Variants in ROBO1 observed in about 807,000 individuals in gnomAD.
ROBO1 encodes roundabout homolog 1.
In ROBO1, 149 loss-of-function variants were observed where a neutral mutation model predicts 195.9. That is an observed-to-expected ratio of 0.76 (90% CI 0.67 to 0.87). ROBO1 has a LOEUF of 0.87. Among genes scored for constraint, ROBO1 ranks in the 40% least tolerant of loss-of-function variants. The pLI is 0.00. For synonymous variants in ROBO1, 816 were observed against 733.2 expected, an observed-to-expected ratio of 1.11 and a Z score of -1.82; for missense variants, 1,933 against 2,068.3, an observed-to-expected ratio of 0.93 and a Z score of 1.27.
intron 1 of ROBO1, among the ~76,000 whole-genome samples, chr3:79,760,269 A>AAAAAAAAAAAAC: frequency 6.8e-6 from 1 of 146,060 alleles, no homozygotes; most frequent in Non-Finnish European, 1.5e-5. Flanking sequence ...AAAAAAAAAA[A>AAAAAAAAAAAAC]AAGCACAAGT....
Position 79,614,025 on chromosome 3 carries a change from GATAAA to G in ROBO1, c.-50-24069_-50-24065del, listed in dbSNP as rs1037134431. ...AGATTTAAAATGCATAAAGAAAAAA[GATAAA>G]ATAAAAGAAATAGAGAAAACTACAA... On this transcript the variant is annotated intron_variant, in intron 1 of 30. Transcript: ENST00000464233. Among the ~76,000 whole-genome samples the G allele has an allele frequency of 1.8e-4, 27 of 151,944 alleles. No homozygotes were observed. The East Asian group carries it at 2.3e-3, about 13-fold the overall frequency.
intron 1 of ROBO1, among the ~76,000 whole-genome samples, chr3:79,726,145 C>G (rs913220817): frequency 1.3e-5 from 2 of 152,176 alleles, no homozygotes; most frequent in African/African-American, 4.8e-5. Context: ...AACTATTGCA[C>G]TGTTGTCATT....
chr3:79,077,689 T>C (rs1423416506), intron 3 of ROBO1, among the ~76,000 whole-genome samples: 1 of 151,856 alleles, frequency 6.6e-6, no homozygotes, highest in Non-Finnish European at 1.5e-5. Context: ...GAGAAAAATA[T>C]AATAAGTCAT....
chr3:79,239,742 G>A (rs1041964741), intron 2 of ROBO1, among the ~76,000 whole-genome samples: 7 of 152,076 alleles, frequency 4.6e-5, no homozygotes, highest in African/African-American at 1.7e-4. Flanking sequence ...TTTTACATCT[G>A]TTTGATCTTT....
At chr3:79,577,468 T>A (rs1421368541) in intron 2 of ROBO1, among the ~76,000 whole-genome samples, 1 of 152,022 alleles carries the variant, frequency 6.6e-6, no homozygotes, top group Non-Finnish European at 1.5e-5. Flanking sequence ...TTCATTGAAA[T>A]GAAAAAACTT....
intron 4 of ROBO1, among the ~76,000 whole-genome samples, chr3:78,829,848 A>T (rs1261025434): frequency 6.6e-6 from 1 of 152,162 alleles, no homozygotes; most frequent in Non-Finnish European, 1.5e-5. Context: ...ATATTTCATG[A>T]TGGAAATCTA....
rs1439553010 is a variant in ROBO1, at chr3:79,062,197, A to C, written c.172+63259T>G. On this transcript the variant is annotated intron_variant, in intron 3 of 30. Coordinates refer to ENST00000464233, the MANE Select transcript of ROBO1 (RefSeq NM_002941.4). ...CAAAAAGTGGGCAAATGATATGAAC[A>C]CACACTTCTTAAAAGAAGACATTTA... 7.2e-5 allele frequency among the ~76,000 whole-genome samples: 11 copies of C among 152,198 alleles called. No individual in the cohort carries two copies. In the South Asian group the frequency reaches 2.3e-3, roughly 31 times the overall value.
At chr3:78,938,975 T>C (rs1560022506) in intron 3 of ROBO1, 48 bp from the exon 4 acceptor site, 2 of 1,473,534 alleles carry the variant, frequency 1.4e-6, no homozygotes, top group South Asian at 1.3e-5. Context: ...TGAAAACAGT[T>C]AATCGCTTAT....
chr3:78,861,453 A>G lies in ROBO1; in HGVS notation c.499+77148T>C, dbSNP rs149827244. 5.3e-5 allele frequency among the ~76,000 whole-genome samples: 8 copies of G among 152,250 alleles called. No individual in the cohort carries two copies. In the East Asian group the frequency reaches 9.7e-4, roughly 18 times the overall value. ...CTAGACTTTAATTTTCTAGGACATG[A>G]CTTTTATCATTATTTCCTGGGGTTT... On this transcript the variant is annotated intron_variant, in intron 4 of 30. Transcript: ENST00000464233.
intron 4 of ROBO1, among the ~76,000 whole-genome samples, chr3:78,921,721 T>TAA (rs1409098608): frequency 1.3e-5 from 2 of 151,636 alleles, no homozygotes; most frequent in African/African-American, 2.4e-5. Context: ...CATGAATAGT[T>TAA]AAAGTTTTCA....
chr3:78,676,846 G>A (rs56790741), intron 10 of ROBO1, among the ~76,000 whole-genome samples: 5,533 of 152,158 alleles, frequency 0.036, 276 homozygotes, highest in African/African-American at 0.12. Context: ...TACTCCTCGA[G>A]AAGAGCAACT....
At chr3:78,987,935 G>T (rs914769713) in intron 3 of ROBO1, among the ~76,000 whole-genome samples, 1 of 152,018 alleles carries the variant, frequency 6.6e-6, no homozygotes, top group Admixed American at 6.6e-5. Context: ...ATATAAAGTT[G>T]CTAAATAATT....
In ROBO1 at chr3:79,673,869, G is replaced by A. The variant is rs1377176433; in HGVS notation, c.-50-83908C>T. Among the ~76,000 whole-genome samples the A allele has an allele frequency of 3.3e-5, 5 of 151,972 alleles. No homozygotes were observed. The East Asian group carries it at 9.7e-4, about 30-fold the overall frequency. On this transcript the variant is annotated intron_variant, in intron 1 of 30. Transcript: ENST00000464233. ...GTCTATGGGCTTAACACCAGTGAGT[G>A]GATTACCATAAGCTCAGATGTAAAG...
intron 1 of ROBO1, among the ~76,000 whole-genome samples, chr3:79,653,106 AAATC>A (rs1946060336): frequency 1.3e-5 from 2 of 151,824 alleles, no homozygotes; most frequent in South Asian, 2.1e-4. Flanking sequence ...ATTAATGAAA[AAATC>A]AATTCCATAT....
chr3:79,680,570 T>C (rs1200598418), intron 1 of ROBO1, among the ~76,000 whole-genome samples: 1 of 152,002 alleles, frequency 6.6e-6, no homozygotes, highest in African/African-American at 2.4e-5. Flanking sequence ...GTCTACTTCC[T>C]GTAAGGAGTC....
At chr3:79,548,693 C>A (rs1259818330) in intron 2 of ROBO1, among the ~76,000 whole-genome samples, 2 of 152,102 alleles carry the variant, frequency 1.3e-5, no homozygotes, top group African/African-American at 4.8e-5. Context: ...TTATATGCAC[C>A]TATCAACATT....
intron 4 of ROBO1, among the ~76,000 whole-genome samples, chr3:78,819,223 T>C (rs772743739): frequency 6.6e-6 from 1 of 152,156 alleles, no homozygotes; most frequent in African/African-American, 2.4e-5. Context: ...CATAGTGTAT[T>C]TGATGCACAT....
At chr3:78,619,434 T>G (rs3821595) in intron 26 of ROBO1, among the ~76,000 whole-genome samples, 1 of 151,134 alleles carries the variant, frequency 6.6e-6, no homozygotes, top group Non-Finnish European at 1.5e-5. Context: ...CCTTCATCAG[T>G]GGGATAAGTG....
intron 1 of ROBO1, among the ~76,000 whole-genome samples, chr3:79,739,902 T>G (rs1023004307): frequency 6.6e-6 from 1 of 152,170 alleles, no homozygotes; most frequent in Admixed American, 6.6e-5. Context: ...GTTTTCAGAC[T>G]GCTCCTTGAG....
Sources: gnomAD v4.1 joint callset for allele counts (sites outside exome capture counted in the v4.1 genomes callset) on GRCh38, gnomAD v4.1.1 for gene constraint, MANE v1.5 for transcripts, NCBI Gene and HGNC (gene_info 2026-07-23, HGNC 2026-07-21) for gene names.